The following UQCC1 variants were observed in gnomAD, a reference collection of about 807,000 sequenced individuals.
UQCC1 encodes ubiquinol-cytochrome c reductase complex assembly factor 1, also known as bFGF-repressed Zic-binding protein.
UQCC1 carries 38 observed loss-of-function variants against 48.0 expected under a neutral mutation model. The ratio of observed to expected loss-of-function variants is 0.79; its 90% CI spans 0.61 to 1.04. The LOEUF is 1.04. Ranked by LOEUF, UQCC1 falls within the 50% of genes least tolerant of loss-of-function variation. UQCC1 has a pLI of 0.00. For missense variants in UQCC1, 368 were observed against 381.8 expected (o/e 0.96, Z 0.30); for synonymous variants, 111 against 129.2 (o/e 0.86, Z 0.95).
chr20:35,365,356 T>C (rs2061654172), intron 6 of UQCC1, among the ~76,000 whole-genome samples: 1 of 152,064 alleles, frequency 6.6e-6, no homozygotes, highest in Non-Finnish European at 1.5e-5. Flanking sequence ...AACTACTGCT[T>C]AGAAAAAGAT....
intron 5 of UQCC1, among the ~76,000 whole-genome samples, chr20:35,372,324 AAAAG>A (rs1252805770): frequency 6.6e-6 from 1 of 152,014 alleles, no homozygotes; most frequent in Admixed American, 6.6e-5. Flanking sequence ...AAAAAAAAGA[AAAAG>A]AAAAAAAGCA....
At chr20:35,377,112 G>A (rs543105882) in intron 4 of UQCC1, among the ~76,000 whole-genome samples, 51 of 152,176 alleles carry the variant, frequency 3.4e-4, no homozygotes, top group African/African-American at 1.2e-3. Context: ...GTCATTAGGA[G>A]AAAACAAAAC....
At chr20:35,397,971 C>T (rs1166717879) in intron 1 of UQCC1, among the ~76,000 whole-genome samples, 1 of 152,136 alleles carries the variant, frequency 6.6e-6, no homozygotes, top group Non-Finnish European at 1.5e-5. Context: ...CATATATGAA[C>T]TCATTTAAAC....
intron 4 of UQCC1, among the ~76,000 whole-genome samples, chr20:35,374,722 G>A (rs894298373): frequency 1.3e-5 from 2 of 152,152 alleles, no homozygotes; most frequent in African/African-American, 2.4e-5. Flanking sequence ...GGGGGATGGA[G>A]TAAGCGGTAT....
chr20:35,325,711 G>T (rs1426529635), intron 7 of UQCC1, among the ~76,000 whole-genome samples: 1 of 152,184 alleles, frequency 6.6e-6, no homozygotes, highest in Non-Finnish European at 1.5e-5. Context: ...AATGGTATAG[G>T]GACTGAAAGG....
intron 2 of UQCC1, 139 bp downstream of exon 2, chr20:35,393,953 T>G: frequency 1.4e-6 from 1 of 724,464 alleles, no homozygotes; most frequent in Non-Finnish European, 2.4e-6. Context: ...GAATCAGTCC[T>G]AAGTTGGCAC....
chr20:35,306,934 G>A (rs1370743113), intron 8 of UQCC1, 155 bp from the exon 9 acceptor site: 1 of 693,690 alleles, frequency 1.4e-6, no homozygotes, highest in Admixed American at 2.0e-5. Context: ...AGTAGAGGTG[G>A]AAGGGGTCTT....
chr20:35,366,590 T>C lies in UQCC1; in HGVS notation c.431A>G (p.Asn144Ser), dbSNP rs1321328607. 5 of 1,613,968 alleles carry C rather than the reference T, an allele frequency of 3.1e-6. No individual in the cohort carries two copies. Among genetic ancestry groups the C allele is most frequent in the Non-Finnish European group, 4.2e-6 (5 of 1,179,912 alleles). The change falls in exon 6 of 10, where the codon AAT becomes AGT. Residue 144 changes from asparagine to serine, a missense_variant. Coordinates refer to ENST00000374385, the MANE Select transcript of UQCC1 (RefSeq NM_018244.5). ...GAGTAGGGTTATAAGAAACCATGAA[T>C]TGAATGTATCAGGCATCTGACACCC... ...FLRCQMPDTF[N>S]SWFLITLLHV...
At chr20:35,314,183 C>T (rs949719407) in intron 8 of UQCC1, among the ~76,000 whole-genome samples, 1 of 151,854 alleles carries the variant, frequency 6.6e-6, no homozygotes. Flanking sequence ...AGGCTGGTCT[C>T]GAACTCCTGA....
Position 35,317,234 on chromosome 20 carries a change from G to A in UQCC1, c.574-2469C>T, listed in dbSNP as rs546045137. 4.6e-5 allele frequency among the ~76,000 whole-genome samples: 7 copies of A among 152,334 alleles called. No homozygotes were observed. In the South Asian group the frequency reaches 6.2e-4, roughly 14 times the overall value. On this transcript the variant is annotated intron_variant, in intron 7 of 9. Coordinates refer to ENST00000374385, the MANE Select transcript of UQCC1 (RefSeq NM_018244.5). ...ATTACAGGCGTGAGCCACTGCGCCC[G>A]GCCCCTTTCCTACACACAGGGCTAT... is the stretch of plus-strand genomic sequence containing the variant.
At chr20:35,312,258 G>A (rs1342463353) in intron 8 of UQCC1, among the ~76,000 whole-genome samples, 3 of 151,990 alleles carry the variant, frequency 2.0e-5, no homozygotes, top group African/African-American at 4.8e-5. Context: ...CATAACCCCC[G>A]AAAGCTCATG....
chr20:35,401,462 G>A (rs934143333), intron 1 of UQCC1, among the ~76,000 whole-genome samples: 10 of 152,050 alleles, frequency 6.6e-5, no homozygotes, highest in Admixed American at 3.3e-4. Flanking sequence ...ACAAGAAGGC[G>A]GAATGTTGAC....
chr20:35,306,973 T>C, intron 8 of UQCC1, 194 bp from the exon 9 acceptor site: 1 of 628,338 alleles, frequency 1.6e-6, no homozygotes, highest in East Asian at 2.9e-5. Context: ...ATCCCTTCAT[T>C]TTATTACATA....
intron 1 of UQCC1, among the ~76,000 whole-genome samples, chr20:35,411,050 A>C (rs147423794): frequency 6.6e-6 from 1 of 152,304 alleles, no homozygotes; most frequent in Non-Finnish European, 1.5e-5. Context: ...GAAGTTACCT[A>C]GACACAGGAA....
intron 9 of UQCC1, among the ~76,000 whole-genome samples, chr20:35,305,092 A>G (rs1356082397): frequency 2.6e-5 from 4 of 152,054 alleles, no homozygotes; most frequent in African/African-American, 7.2e-5. Flanking sequence ...GGCCTTCAGC[A>G]CTCTGCCCTC....
At chr20:35,377,679 A>AT (rs1345441077) in intron 4 of UQCC1, among the ~76,000 whole-genome samples, 1 of 152,168 alleles carries the variant, frequency 6.6e-6, no homozygotes, top group East Asian at 1.9e-4. Context: ...CTATTTCTTG[A>AT]TTTTTTTAAA....
intron 7 of UQCC1, among the ~76,000 whole-genome samples, chr20:35,335,307 G>A (rs2061303788): frequency 6.6e-6 from 1 of 152,120 alleles, no homozygotes; most frequent in South Asian, 2.1e-4. Context: ...ATATATGAAT[G>A]TTCACAGAAG....
intron 7 of UQCC1, among the ~76,000 whole-genome samples, chr20:35,317,420 C>T (rs1330311961): frequency 6.6e-6 from 1 of 152,218 alleles, no homozygotes; most frequent in Non-Finnish European, 1.5e-5. Flanking sequence ...CAATGCTTTA[C>T]AGCCATGGAT....
intron 7 of UQCC1, among the ~76,000 whole-genome samples, chr20:35,335,678 C>T (rs1014689615): frequency 7.2e-5 from 11 of 151,986 alleles, no homozygotes; most frequent in African/African-American, 2.2e-4. Context: ...GTAAGGGGAA[C>T]GGGTGTGACT....
Sources: allele counts gnomAD v4.1 joint callset (sites outside exome capture counted in the v4.1 genomes callset), GRCh38; gene constraint gnomAD v4.1.1; transcripts MANE v1.5; gene names NCBI Gene and HGNC (gene_info 2026-07-23, HGNC 2026-07-21).